Variants in AGBL1 observed in about 807,000 individuals in gnomAD.
AGBL1 encodes AGBL carboxypeptidase 1.
AGBL1 carries 130 observed loss-of-function variants against 118.9 expected under a neutral mutation model. The observed-to-expected ratio is 1.09, with a 90% confidence interval of 0.95 to 1.26. The LOEUF is 1.26. Ranked by LOEUF, AGBL1 falls within the 50% of genes most tolerant of loss-of-function variation. The probability of loss-of-function intolerance (pLI) is 0.00; values close to 1 mark genes in which losing one functional copy is unlikely to be tolerated. For missense variants in AGBL1, 1,584 were observed against 1,298.1 expected (o/e 1.22, Z -3.38); for synonymous variants, 555 against 478.9 (o/e 1.16, Z -2.08).
At chr15:86,974,460 A>G (rs955759428) in intron 23 of AGBL1, among the ~76,000 whole-genome samples, 2 of 134,754 alleles carry the variant, frequency 1.5e-5, no homozygotes, top group Non-Finnish European at 3.1e-5. Flanking sequence ...TATATTGAAT[A>G]TAAACATATT....
chr15:86,604,859 G>C (rs1398048166), intron 21 of AGBL1, among the ~76,000 whole-genome samples: 1 of 135,462 alleles, frequency 7.4e-6, no homozygotes. Context: ...ACAATTATGT[G>C]ATCTCGGCTC....
At chr15:86,836,031 C>T (rs190659355) in intron 22 of AGBL1, among the ~76,000 whole-genome samples, 8 of 152,272 alleles carry the variant, frequency 5.3e-5, no homozygotes, top group Admixed American at 1.3e-4. Flanking sequence ...TATCCCTTGA[C>T]TAAACTATAT....
chr15:86,255,508 G>A (rs148142316), intron 7 of AGBL1, among the ~76,000 whole-genome samples: 18 of 152,272 alleles, frequency 1.2e-4, no homozygotes, highest in African/African-American at 2.9e-4. Context: ...AAGGCTGGGC[G>A]TGGTAGCTCA....
chr15:86,626,276 A>T (rs2346721), intron 21 of AGBL1, among the ~76,000 whole-genome samples: 1 of 151,946 alleles, frequency 6.6e-6, no homozygotes, highest in African/African-American at 2.4e-5. Context: ...ATCAACGATA[A>T]ACTGGATAAA....
rs544522418 is a variant in AGBL1 at position 86,432,761 on chromosome 15, G to A, written c.2555+35215G>A. ...GAGATCTAAAGCCTGAGGCTATTCT[G>A]CTTTGGGTTTAATTTTTTTCTTGGG... On this transcript the variant is annotated intron_variant, in intron 18 of 22. Coordinates refer to ENST00000614907, the MANE Select transcript of AGBL1 (RefSeq NM_001386094.1). 2.6e-5 allele frequency among the ~76,000 whole-genome samples: 4 copies of A among 152,316 alleles called. No individual in the cohort carries two copies. In the East Asian group the frequency reaches 7.7e-4, roughly 29 times the overall value.
chr15:86,619,314 G>C (rs1324247813), intron 21 of AGBL1, among the ~76,000 whole-genome samples: 1 of 152,162 alleles, frequency 6.6e-6, no homozygotes, highest in Non-Finnish European at 1.5e-5. Flanking sequence ...TAAGGTCAAA[G>C]ATCACTTACT....
chr15:86,917,666 T>C (rs947878170), downstream of AGBL1, among the ~76,000 whole-genome samples: 1 of 152,158 alleles, frequency 6.6e-6, no homozygotes, highest in Non-Finnish European at 1.5e-5. This position sits in a 1 kb window ranked among gnomAD's most constrained non-coding sequence, Gnocchi z 4.8. Context: ...AGGCGGTTTC[T>C]TGAATTTGGG....
chr15:86,221,342 C>T (rs1459639637), intron 5 of AGBL1, among the ~76,000 whole-genome samples: 1 of 152,218 alleles, frequency 6.6e-6, no homozygotes, highest in Non-Finnish European at 1.5e-5. Context: ...CCAGTTCACG[C>T]ACTCAATACA....
intron 17 of AGBL1, among the ~76,000 whole-genome samples, chr15:86,390,014 G>T (rs999158812): frequency 1.3e-5 from 2 of 152,010 alleles, no homozygotes; most frequent in Admixed American, 1.3e-4. Flanking sequence ...ACAACCATAT[G>T]GTGCTTCAAA....
chr15:86,814,511 C>T (rs1221785632), intron 22 of AGBL1, among the ~76,000 whole-genome samples: 4 of 152,154 alleles, frequency 2.6e-5, no homozygotes, highest in Non-Finnish European at 5.9e-5. Flanking sequence ...AGCTTGCCCA[C>T]AGAAGCATCT....
intron 24 of AGBL1, among the ~76,000 whole-genome samples, chr15:87,026,446 T>A (rs1320669276): frequency 6.6e-6 from 1 of 151,994 alleles, no homozygotes; most frequent in Non-Finnish European, 1.5e-5. Context: ...CACAATACAC[T>A]GCCACTTTAC....
chr15:86,405,799 C>T (rs994703091), intron 18 of AGBL1, among the ~76,000 whole-genome samples: 8 of 151,516 alleles, frequency 5.3e-5, no homozygotes, highest in Non-Finnish European at 7.4e-5. Context: ...AAGGTTCGCG[C>T]AAGTGGTAGA....
At chr15:86,967,486 C>G (rs2081066630) in intron 23 of AGBL1, among the ~76,000 whole-genome samples, 1 of 152,124 alleles carries the variant, frequency 6.6e-6, no homozygotes, top group Admixed American at 6.6e-5. Context: ...CTTAATCCAT[C>G]TTGATTAATT....
intron 17 of AGBL1, among the ~76,000 whole-genome samples, chr15:86,378,900 G>GTTT (rs113439108): frequency 1.4e-5 from 2 of 144,146 alleles, no homozygotes; most frequent in Non-Finnish European, 3.1e-5. Flanking sequence ...GATCACTTTA[G>GTTT]TTTTTTTTTT....
At chr15:86,570,690 C>G (rs2142309349) in intron 21 of AGBL1, among the ~76,000 whole-genome samples, 1 of 152,312 alleles carries the variant, frequency 6.6e-6, no homozygotes, top group Admixed American at 6.5e-5. Flanking sequence ...AACTATTTTT[C>G]AGGGTCTTTT....
intron 23 of AGBL1, among the ~76,000 whole-genome samples, chr15:86,986,636 A>G (rs1479467530): frequency 2.0e-5 from 3 of 152,190 alleles, no homozygotes; most frequent in African/African-American, 7.2e-5. Context: ...TGTCGAATCT[A>G]TAGATCAGTT....
chr15:86,731,307 A>T (rs938777577), intron 22 of AGBL1, among the ~76,000 whole-genome samples: 5 of 152,184 alleles, frequency 3.3e-5, no homozygotes, highest in South Asian at 2.1e-4. Flanking sequence ...GACTAACTTC[A>T]TGGGGGACAC....
chr15:86,955,618 AAGATT>A (rs1376065042), intron 23 of AGBL1, among the ~76,000 whole-genome samples: 2 of 152,188 alleles, frequency 1.3e-5, no homozygotes, highest in African/African-American at 2.4e-5. Flanking sequence ...AGAGAAAAGA[AAGATT>A]AGAGTAGCTA....
chr15:86,377,704 G>A (rs1190740225), intron 17 of AGBL1, among the ~76,000 whole-genome samples: 1 of 152,016 alleles, frequency 6.6e-6, no homozygotes, highest in Admixed American at 6.6e-5. Flanking sequence ...AGTAGGTTAG[G>A]GCCGCCCTCG....
Sources: allele counts gnomAD v4.1 joint callset (sites outside exome capture counted in the v4.1 genomes callset), GRCh38; gene constraint gnomAD v4.1.1; non-coding constraint Gnocchi (gnomAD v3.1); transcripts MANE v1.5; gene names NCBI Gene and HGNC (gene_info 2026-07-23, HGNC 2026-07-21).